The following SAMMSON variants were observed in gnomAD, a reference collection of about 807,000 sequenced individuals.
SAMMSON encodes the protein long intergenic non-protein coding RNA 1212.
At chr3:70,407,393 A>G (rs1553663182) in intron 2 of SAMMSON, among the ~76,000 whole-genome samples, 1 of 152,206 alleles carries the variant, frequency 6.6e-6, no homozygotes, top group Non-Finnish European at 1.5e-5. Context: ...CCTTCCGCCT[A>G]TGAGACTGTG....
chr3:70,180,469 G>A (rs1030707865), intron 4 of SAMMSON, among the ~76,000 whole-genome samples: 21 of 151,296 alleles, frequency 1.4e-4, no homozygotes, highest in African/African-American at 5.1e-4. Context: ...TATTTATATG[G>A]GTACAAACAC....
At chr3:70,140,949 T>G (rs1261965587) in intron 4 of SAMMSON, among the ~76,000 whole-genome samples, 1 of 152,204 alleles carries the variant, frequency 6.6e-6, no homozygotes, top group Non-Finnish European at 1.5e-5. Context: ...TACAGCAAAC[T>G]TTCCTCCTTT....
chr3:70,035,581 G>A lies in SAMMSON; in HGVS notation n.417+21909G>A, dbSNP rs1296569721. On this transcript the variant is annotated intron_variant and non_coding_transcript_variant, in intron 3 of 9. Transcript: ENST00000642114. ...ATGCAACTCCGGGAGTACCAAAAGTGACCTGTTAGTCCCTACTGACTAGAC... is the reference window on the plus strand; with the variant it reads ...ATGCAACTCCGGGAGTACCAAAAGTAACCTGTTAGTCCCTACTGACTAGAC... Among the ~76,000 whole-genome samples the A allele has an allele frequency of 2.6e-5, 4 of 152,216 alleles. No individual in the cohort carries two copies. In the East Asian group the frequency reaches 7.7e-4, roughly 29 times the overall value.
At chr3:70,202,988 T>C (rs1436952330) in intron 4 of SAMMSON, among the ~76,000 whole-genome samples, 1 of 152,068 alleles carries the variant, frequency 6.6e-6, no homozygotes, top group African/African-American at 2.4e-5. Context: ...CTTTGGGTCT[T>C]GTCACCTTGG....
At chr3:70,075,193 A>C (rs1206925851) in intron 4 of SAMMSON, 1 of 152,020 alleles carries the variant, frequency 6.6e-6, no homozygotes, top group Non-Finnish European at 1.5e-5. Context: ...TAAAACAATT[A>C]TCTAAATTAG....
At chr3:70,263,205 A>G (rs1269799326) in intron 6 of SAMMSON, among the ~76,000 whole-genome samples, 3 of 152,112 alleles carry the variant, frequency 2.0e-5, no homozygotes, top group East Asian at 3.9e-4. Flanking sequence ...GTTATGGATC[A>G]TATTTTCCTG....
chr3:70,334,496 A>G (rs1702647239), intron 7 of SAMMSON, among the ~76,000 whole-genome samples: 4 of 152,036 alleles, frequency 2.6e-5, no homozygotes. Context: ...AAATGAGAAA[A>G]TTAGACACTT....
chr3:70,365,117 A>G (rs1296074617), intron 9 of SAMMSON, among the ~76,000 whole-genome samples: 1 of 151,736 alleles, frequency 6.6e-6, no homozygotes, highest in Non-Finnish European at 1.5e-5. Flanking sequence ...CCACTGCAAT[A>G]TCATACAGAA....
intron 7 of SAMMSON, among the ~76,000 whole-genome samples, chr3:70,318,724 G>C (rs1023965525): frequency 2.6e-5 from 4 of 152,072 alleles, no homozygotes; most frequent in African/African-American, 9.7e-5. Flanking sequence ...ATACATGGTA[G>C]AGAGTCTGGA....
At chr3:70,194,804 C>T (rs544867638) in intron 4 of SAMMSON, among the ~76,000 whole-genome samples, 2 of 152,248 alleles carry the variant, frequency 1.3e-5, no homozygotes, top group South Asian at 4.1e-4. Flanking sequence ...CATGGCCTCA[C>T]CAATGATACC....
intron 2 of SAMMSON, among the ~76,000 whole-genome samples, chr3:70,419,207 T>A (rs1701291537): frequency 6.6e-6 from 1 of 151,854 alleles, no homozygotes; most frequent in Admixed American, 6.6e-5. Context: ...GCGTTTTTTT[T>A]TCTTTTGAAG....
chr3:70,143,341 A>G (rs997964067), intron 4 of SAMMSON, among the ~76,000 whole-genome samples: 4 of 151,548 alleles, frequency 2.6e-5, no homozygotes, highest in Non-Finnish European at 4.4e-5. Flanking sequence ...TATTTTCTCC[A>G]TAAGAAGAAT....
intron 4 of SAMMSON, among the ~76,000 whole-genome samples, chr3:70,236,530 AT>A (rs1701610646): frequency 6.6e-6 from 1 of 152,194 alleles, no homozygotes; most frequent in Admixed American, 6.5e-5. Flanking sequence ...ACCAAAAATA[AT>A]GATAATATTA....
chr3:70,322,104 A>T (rs1450963780), intron 7 of SAMMSON, among the ~76,000 whole-genome samples: 1 of 152,130 alleles, frequency 6.6e-6, no homozygotes, highest in Non-Finnish European at 1.5e-5. Context: ...AATTTGCTTT[A>T]CTAAGTTTAT....
At chr3:70,222,944 T>C (rs1279805006) in intron 4 of SAMMSON, among the ~76,000 whole-genome samples, 1 of 152,328 alleles carries the variant, frequency 6.6e-6, no homozygotes, top group East Asian at 1.9e-4. Flanking sequence ...ACCTACATAA[T>C]TTATATATCA....
At chr3:70,029,633 T>C (rs2067056781) in intron 3 of SAMMSON, among the ~76,000 whole-genome samples, 1 of 151,698 alleles carries the variant, frequency 6.6e-6, no homozygotes, top group African/African-American at 2.4e-5. Context: ...CATGTGCCTG[T>C]AGTCCCAACT....
intron 4 of SAMMSON, among the ~76,000 whole-genome samples, chr3:70,109,756 C>T (rs1459796810): frequency 1.3e-5 from 2 of 152,152 alleles, no homozygotes; most frequent in East Asian, 3.9e-4. Context: ...AAAATCAGTG[C>T]TCTTATCTTG....
chr3:70,235,075 G>A, intron 4 of SAMMSON, among the ~76,000 whole-genome samples: 1 of 152,196 alleles, frequency 6.6e-6, no homozygotes, highest in African/African-American at 2.4e-5. Flanking sequence ...GCACTTTGCT[G>A]CAGAATGTCC....
chr3:70,059,089 G>A (rs774822250), intron 3 of SAMMSON, among the ~76,000 whole-genome samples: 1 of 152,072 alleles, frequency 6.6e-6, no homozygotes. Flanking sequence ...CAAGGAGCTC[G>A]TTCTACCAGA....
Sources: gnomAD v4.1 joint callset for allele counts (sites outside exome capture counted in the v4.1 genomes callset) on GRCh38, gnomAD v4.1.1 for gene constraint, MANE v1.5 for transcripts, NCBI Gene and HGNC (gene_info 2026-07-23, HGNC 2026-07-21) for gene names.